Variants in RCBTB2 observed in about 807,000 individuals in gnomAD.
RCBTB2 encodes RCC1 and BTB domain-containing protein 2.
RCBTB2 carries 55 observed loss-of-function variants against 65.4 expected under a neutral mutation model. That is an observed-to-expected ratio of 0.84 (90% CI 0.68 to 1.05). The LOEUF (loss-of-function observed/expected upper bound fraction) is 1.05. RCBTB2 is among the 50% of genes least tolerant of loss of function. The probability of loss-of-function intolerance (pLI) is 0.00; values close to 1 mark genes in which losing one functional copy is unlikely to be tolerated. For missense variants in RCBTB2, 599 were observed against 680.1 expected (o/e 0.88, Z 1.33); for synonymous variants, 220 against 255.2 (o/e 0.86, Z 1.31).
In RCBTB2 at chr13:48,515,700, C is replaced by T. The variant is rs781078733; in HGVS notation, c.84G>A (p.Val28=). ...ATLSSLKMLD[V]GKWPIFSLCS... ...AAAGGGAAAAAATTGGCCACTTTCC[C>T]ACATCTAACATCTTCAAAGATGACA... Residue 28 remains valine (V), a synonymous_variant, in exon 5 of 15, where the codon GTG becomes GTA. Coordinates refer to ENST00000344532, the MANE Select transcript of RCBTB2 (RefSeq NM_001268.4). 1.9e-5 allele frequency: 31 copies of T among 1,613,702 alleles called. No individual in the cohort carries two copies. Among genetic ancestry groups the T allele is most frequent in the Non-Finnish European group, 2.6e-5 (31 of 1,179,934 alleles).
intron 8 of RCBTB2, 29 bp downstream of exon 8, chr13:48,511,987 T>C: frequency 1.2e-6 from 2 of 1,609,936 alleles, no homozygotes; most frequent in South Asian, 2.2e-5. Context: ...AACACGGTTT[T>C]TAAACAAGAT....
chr13:48,519,097 A>G lies in RCBTB2; in HGVS notation c.42+2801T>C, dbSNP rs9331977. On this transcript the variant is annotated intron_variant, in intron 4 of 14. Transcript: ENST00000344532. ...GCACAGGGAGACTAAGTAATCTTTC[A>G]AGATCACTAGCTTCTCAGTGGATGA... Among the ~76,000 whole-genome samples the G allele has an allele frequency of 8.7e-3, 1,325 of 152,310 alleles. 15 individuals carry two copies. The highest frequency in any genetic ancestry group is 0.03 in the African/African-American group (1,243 of 41,556).
chr13:48,508,415 T>G (rs1307838158), intron 10 of RCBTB2, among the ~76,000 whole-genome samples: 1 of 151,848 alleles, frequency 6.6e-6, no homozygotes, highest in Non-Finnish European at 1.5e-5. Context: ...CATCCATGTT[T>G]TTTTTTTTTT....
intron 7 of RCBTB2, among the ~76,000 whole-genome samples, 167 bp from the exon 8 acceptor site, chr13:48,512,341 T>C (rs1950849025): frequency 6.6e-6 from 1 of 152,230 alleles, no homozygotes; most frequent in African/African-American, 2.4e-5. Context: ...TCTTATACAA[T>C]GTACATGATT....
At chr13:48,533,267 T>C, upstream of RCBTB2, 1 of 300,278 alleles carries the variant, frequency 3.3e-6, no homozygotes, top group South Asian at 2.3e-5. Flanking sequence ...CTCCCCTTTC[T>C]CGCAGACGCC....
chr13:48,532,944 G>T (rs1006487504), intron 1 of RCBTB2, 84 bp downstream of exon 1: 14 of 453,732 alleles, frequency 3.1e-5, no homozygotes, highest in African/African-American at 2.8e-4. Flanking sequence ...GGGAGGGGTG[G>T]CCTGCCCCAG....
Position 48,490,144 on chromosome 13 carries a change from G to A in RCBTB2, c.1623C>T (p.Ser541=). ...TAAAGGCTCCAACTCTGCTTGCTTT[G>A]CTGATAAAGTTCTTCAGGAGATCAT... The part of the protein sequence containing the change: ...MDHDLLKNFI[S]KASRVGAFKN The change falls in exon 15 of 15, where the codon AGC becomes AGT. Residue 541 remains serine, a synonymous_variant. Transcript: ENST00000344532. The A allele has an allele frequency of 6.2e-7, 1 of 1,614,090 alleles. No individual in the cohort carries two copies. The highest frequency in any genetic ancestry group is 8.5e-7 in the Non-Finnish European group (1 of 1,179,968).
At chr13:48,498,399 C>G (rs1950071147) in intron 13 of RCBTB2, among the ~76,000 whole-genome samples, 1 of 152,148 alleles carries the variant, frequency 6.6e-6, no homozygotes, top group Admixed American at 6.5e-5. Context: ...GGAGTCTTGG[C>G]TACAGCCCCA....
intron 4 of RCBTB2, among the ~76,000 whole-genome samples, chr13:48,519,370 G>A (rs915546907): frequency 5.3e-5 from 8 of 152,064 alleles, no homozygotes; most frequent in East Asian, 3.8e-4. Flanking sequence ...TTTATATTTC[G>A]TCCTGCTCTG....
At chr13:48,525,423 GTTATATAT>G in intron 1 of RCBTB2, among the ~76,000 whole-genome samples, 1 of 81,770 alleles carries the variant, frequency 1.2e-5, no homozygotes, top group Non-Finnish European at 2.7e-5. Context: ...TATATATTCA[GTTATATAT>G]GTATATATAA....
At chr13:48,528,630 G>C (rs1185814038) in intron 1 of RCBTB2, among the ~76,000 whole-genome samples, 1 of 152,116 alleles carries the variant, frequency 6.6e-6, no homozygotes, top group Non-Finnish European at 1.5e-5. Context: ...TGAGTCATTA[G>C]ATAGTATCTT....
At chr13:48,532,919 C>T (rs888976123) in intron 1 of RCBTB2, 109 bp downstream of exon 1, 8 of 447,994 alleles carry the variant, frequency 1.8e-5, no homozygotes, top group Admixed American at 2.4e-5. Flanking sequence ...GCGGGGAGGT[C>T]GGGCCGCAGG....
intron 10 of RCBTB2, among the ~76,000 whole-genome samples, chr13:48,509,737 G>C (rs1193553423): frequency 6.6e-6 from 1 of 152,198 alleles, no homozygotes; most frequent in African/African-American, 2.4e-5. Flanking sequence ...AATGAAAACT[G>C]AGGCAGTTGA....
intron 10 of RCBTB2, among the ~76,000 whole-genome samples, chr13:48,503,626 G>A (rs1950352422): frequency 6.6e-6 from 1 of 152,020 alleles, no homozygotes; most frequent in African/African-American, 2.4e-5. Flanking sequence ...TTGGCTCACT[G>A]CAACCTCTGC....
At chr13:48,493,033 C>A (rs1415141901) in intron 14 of RCBTB2, among the ~76,000 whole-genome samples, 1 of 152,128 alleles carries the variant, frequency 6.6e-6, no homozygotes, top group Non-Finnish European at 1.5e-5. Flanking sequence ...TTCATCCTTA[C>A]AGCTGCTGAG....
At chr13:48,521,305 CTGATT>C (rs1244169773) in intron 4 of RCBTB2, among the ~76,000 whole-genome samples, 1 of 152,124 alleles carries the variant, frequency 6.6e-6, no homozygotes, top group Admixed American at 6.5e-5. Context: ...GAATTTTGAC[CTGATT>C]TTATTAAATA....
chr13:48,495,079 C>G (rs1949909807), intron 14 of RCBTB2, among the ~76,000 whole-genome samples: 1 of 152,072 alleles, frequency 6.6e-6, no homozygotes, highest in Admixed American at 6.5e-5. Flanking sequence ...AACCTTTCAT[C>G]TACTAAAATG....
intron 4 of RCBTB2, among the ~76,000 whole-genome samples, chr13:48,519,238 G>C (rs1007407831): frequency 1.3e-5 from 2 of 152,230 alleles, no homozygotes; most frequent in African/African-American, 4.8e-5. Context: ...CAGGGCTTTG[G>C]CTATTCTCAG....
intron 14 of RCBTB2, among the ~76,000 whole-genome samples, chr13:48,493,496 G>C (rs1949838621): frequency 6.6e-6 from 1 of 151,734 alleles, no homozygotes; most frequent in African/African-American, 2.4e-5. Context: ...TCTGATTCCT[G>C]AAACTTGCCT....
Sources: gnomAD v4.1 joint callset for allele counts (sites outside exome capture counted in the v4.1 genomes callset) on GRCh38, gnomAD v4.1.1 for gene constraint, MANE v1.5 for transcripts, NCBI Gene and HGNC (gene_info 2026-07-23, HGNC 2026-07-21) for gene names.